The following STIM1 variants were observed in gnomAD, a reference collection of about 807,000 sequenced individuals.
The protein encoded by STIM1 is stromal interaction molecule 1.
In STIM1, 25 loss-of-function variants were observed where a neutral mutation model predicts 74.7. The observed-to-expected ratio is 0.33, with a 90% CI of 0.24 to 0.47. The LOEUF is 0.47. Among genes scored for constraint, STIM1 ranks in the 20% least tolerant of loss-of-function variants. The pLI, the probability that STIM1 is intolerant of heterozygous loss-of-function variation, is 1.00. For missense variants in STIM1, 728 were observed against 920.8 expected, an observed-to-expected ratio of 0.79 and a Z score of 2.71; for synonymous variants, 328 against 348.8, an observed-to-expected ratio of 0.94 and a Z score of 0.66.
rs559132525 is a variant in STIM1, at chr11:3,881,801, T to C, written c.139+25392T>C. On this transcript the variant is annotated intron_variant, in intron 1 of 12. Coordinates refer to ENST00000526596, the MANE Select transcript of STIM1 (RefSeq NM_001382567.1). ...TGGGTTGAAGTGATTCTCCTGCCTG[T>C]AGCTGGGATTGCAGGCATGTACTAC... Among the ~76,000 whole-genome samples the C allele has an allele frequency of 4.6e-5, 7 of 152,052 alleles. No individual in the cohort carries two copies. The South Asian group carries it at 1.5e-3, about 32-fold the overall frequency.
intron 5 of STIM1, among the ~76,000 whole-genome samples, chr11:4,063,248 AAG>A (rs1400884416): frequency 2.0e-5 from 3 of 152,244 alleles, no homozygotes; most frequent in Non-Finnish European, 4.4e-5. Flanking sequence ...TGCCCATTTT[AAG>A]AGAGAGACTT....
At chr11:3,984,909 A>G (rs2093543626) in intron 2 of STIM1, among the ~76,000 whole-genome samples, 2 of 152,220 alleles carry the variant, frequency 1.3e-5, no homozygotes. Context: ...TAGTATGCAT[A>G]GGTCCTGTGG....
At chr11:3,935,193 G>A (rs1483059465) in intron 1 of STIM1, among the ~76,000 whole-genome samples, 1 of 152,110 alleles carries the variant, frequency 6.6e-6, no homozygotes, top group African/African-American at 2.4e-5. Flanking sequence ...CATCTTACCC[G>A]TGTTTTTCTA....
At chr11:3,899,277 A>T (rs1317164765) in intron 1 of STIM1, among the ~76,000 whole-genome samples, 1 of 152,112 alleles carries the variant, frequency 6.6e-6, no homozygotes, top group Non-Finnish European at 1.5e-5. Context: ...TCTTTGAAGC[A>T]ATTGTGAATG....
At chr11:3,885,078 T>G (rs2091654409) in intron 1 of STIM1, among the ~76,000 whole-genome samples, 1 of 152,106 alleles carries the variant, frequency 6.6e-6, no homozygotes, top group Non-Finnish European at 1.5e-5. Flanking sequence ...TAGATTGTGG[T>G]GATGATGGGA....
intron 2 of STIM1, among the ~76,000 whole-genome samples, chr11:3,975,609 C>G (rs1590615959): frequency 6.6e-6 from 1 of 151,530 alleles, no homozygotes; most frequent in Non-Finnish European, 1.5e-5. Flanking sequence ...CAAAGTGAGA[C>G]TCTGCCTCAA....
intron 1 of STIM1, among the ~76,000 whole-genome samples, chr11:3,951,733 C>T (rs569957094): frequency 9.0e-4 from 137 of 152,214 alleles, no homozygotes; most frequent in African/African-American, 3.1e-3. Context: ...TGGGTAAGTC[C>T]TTGGGTGCCC....
At chr11:4,086,707 A>G in intron 12 of STIM1, 164 bp downstream of exon 12, 1 of 1,538,506 alleles carries the variant, frequency 6.5e-7, no homozygotes, top group Non-Finnish European at 8.7e-7. Flanking sequence ...CACCATCACC[A>G]CTACCACCAC....
Position 4,091,350 on chromosome 11 carries a change from C to T in STIM1, c.1703C>T (p.Pro568Leu). The T allele has an allele frequency of 6.2e-7, 1 of 1,614,210 alleles. No individual in the cohort carries two copies. The highest frequency in any genetic ancestry group is 8.5e-7 in the Non-Finnish European group (1 of 1,180,044). ...MSDRQRVAPK[P>L]PQMSRAADEA... ...GACCGCCAGCGTGTGGCCCCCAAAC[C>T]TCCTCAGATGAGCCGTGCTGCAGAC... The change falls in exon 13 of 13, where the codon CCT (proline) becomes CTT (leucine). Residue 568 changes from proline to leucine, a missense_variant. Physicochemically the swap from Pro to Leu is moderately conservative, Grantham distance 98. Coordinates refer to ENST00000526596, the MANE Select transcript of STIM1 (RefSeq NM_001382567.1).
At chr11:4,045,626 A>G (rs1359454302) in intron 3 of STIM1, among the ~76,000 whole-genome samples, 1 of 150,342 alleles carries the variant, frequency 6.7e-6, no homozygotes, top group Non-Finnish European at 1.5e-5. Context: ...ATTTTTTAAT[A>G]TTTTTTTGTA....
In STIM1 at chr11:4,092,253, TGTTCCACCCCACTCACAGTG is replaced by T; in HGVS notation, c.*460_*479del. The T allele has an allele frequency of 3.8e-6, 1 of 263,786 alleles. No homozygotes were observed. The highest frequency in any genetic ancestry group is 8.9e-5 in the East Asian group (1 of 11,260). 16.3% of individuals were successfully genotyped at this position (263,786 alleles called of 1,614,324 possible). ...GCTTCTGACATGTGTGCCTCAGATC[TGTTCCACCCCACTCACAGTG>T]GTTCTGTTTGCTCCAGACTGGGGCT... On this transcript the variant is annotated 3_prime_UTR_variant, in exon 13 of 13. Coordinates refer to ENST00000526596, the MANE Select transcript of STIM1 (RefSeq NM_001382567.1).
intron 1 of STIM1, among the ~76,000 whole-genome samples, chr11:3,933,511 T>C (rs2092896104): frequency 6.6e-6 from 1 of 152,220 alleles, no homozygotes; most frequent in Non-Finnish European, 1.5e-5. Context: ...CTCATCCAGC[T>C]GTTTCCCAAT....
At chr11:4,086,766 C>A (rs1722082918) in intron 12 of STIM1, 1 of 1,537,056 alleles carries the variant, frequency 6.5e-7, no homozygotes, top group Non-Finnish European at 8.7e-7. Flanking sequence ...TTTATTACCA[C>A]CACAGCACTT....
intron 1 of STIM1, among the ~76,000 whole-genome samples, chr11:3,960,654 G>A (rs1343805490): frequency 3.3e-5 from 5 of 152,140 alleles, no homozygotes; most frequent in African/African-American, 9.7e-5. Flanking sequence ...GAAACCTACC[G>A]CTTGTTGAGT....
intron 3 of STIM1, among the ~76,000 whole-genome samples, chr11:4,035,769 T>C (rs894585236): frequency 2.6e-5 from 4 of 152,100 alleles, no homozygotes; most frequent in Non-Finnish European, 4.4e-5. Flanking sequence ...TCTATCTTGT[T>C]AAATATCCCA....
intron 7 of STIM1, among the ~76,000 whole-genome samples, chr11:4,080,406 C>G (rs144187695): frequency 6.6e-6 from 1 of 151,736 alleles, no homozygotes; most frequent in East Asian, 1.9e-4. Context: ...CTCTTTCTGT[C>G]TGTCTGTCTT....
At chr11:3,861,650 G>A (rs1013015098) in intron 1 of STIM1, among the ~76,000 whole-genome samples, 1 of 152,200 alleles carries the variant, frequency 6.6e-6, no homozygotes, top group African/African-American at 2.4e-5. Context: ...CAAAATCACA[G>A]TTATTGCTAA....
intron 1 of STIM1, among the ~76,000 whole-genome samples, chr11:3,951,818 C>T (rs540365083): frequency 6.6e-6 from 1 of 152,156 alleles, no homozygotes; most frequent in African/African-American, 2.4e-5. Context: ...TTGGCTATCT[C>T]AGACCCTGAT....
intron 2 of STIM1, among the ~76,000 whole-genome samples, chr11:3,971,932 A>C (rs1158454257): frequency 6.6e-6 from 1 of 152,260 alleles, no homozygotes; most frequent in Non-Finnish European, 1.5e-5. Flanking sequence ...TTCAAGTAGA[A>C]GTAGCATAAA....
Sources: gnomAD v4.1 joint callset for allele counts (sites outside exome capture counted in the v4.1 genomes callset) on GRCh38, gnomAD v4.1.1 for gene constraint, MANE v1.5 for transcripts, NCBI Gene and HGNC (gene_info 2026-07-23, HGNC 2026-07-21) for gene names.